Variants in EYS observed in about 807,000 individuals in gnomAD.
EYS encodes EGF-like photoreceptor maintenance factor.
A neutral mutation model predicts 282.1 loss-of-function variants in EYS; 250 were observed. The observed-to-expected ratio is 0.89, with a 90% CI of 0.80 to 0.98. The LOEUF is 0.98. Among genes scored for constraint, EYS ranks in the 50% least tolerant of loss-of-function variants. The pLI, the probability that EYS is intolerant of heterozygous loss-of-function variation, is 0.00. For synonymous variants in EYS, 1,355 were observed against 1,282.9 expected, an observed-to-expected ratio of 1.06 and a Z score of -1.20; for missense variants, 4,016 against 3,709.0, an observed-to-expected ratio of 1.08 and a Z score of -2.15.
chr6:65,701,914 G>C (rs79632402), intron 1 of EYS, among the ~76,000 whole-genome samples: 70 of 152,210 alleles, frequency 4.6e-4, no homozygotes, highest in African/African-American at 1.7e-3. Flanking sequence ...TTTAATACTT[G>C]AACATATTTC....
intron 12 of EYS, among the ~76,000 whole-genome samples, chr6:65,211,138 T>C (rs1766166975): frequency 6.6e-6 from 1 of 152,022 alleles, no homozygotes; most frequent in African/African-American, 2.4e-5. Flanking sequence ...CAAGAAAACC[T>C]ATTACTCTTA....
intron 31 of EYS, among the ~76,000 whole-genome samples, chr6:64,097,521 C>T (rs1266794332): frequency 6.6e-6 from 1 of 152,142 alleles, no homozygotes; most frequent in African/African-American, 2.4e-5. Flanking sequence ...TAGCAATGAA[C>T]AAGGCTGCGT....
At chr6:64,790,315 C>A (rs940874975) in intron 22 of EYS, among the ~76,000 whole-genome samples, 3 of 151,744 alleles carry the variant, frequency 2.0e-5, no homozygotes. Context: ...ATGTCATAAA[C>A]CTGCACATAC....
rs148203223 is a variant in EYS at position 64,423,930 on chromosome 6, T to C, written c.5927+12244A>G. On this transcript the variant is annotated intron_variant, in intron 28 of 42. Transcript: ENST00000503581. ...AAACTTAATATGAACACAATCACTT[T>C]TGATTATTTTAAATGCTAACATTTC... Among the ~76,000 whole-genome samples, 25 of 152,350 alleles carry C rather than the reference T, an allele frequency of 1.6e-4. No homozygotes were observed. In the East Asian group the frequency reaches 4.4e-3, roughly 27 times the overall value.
At chr6:65,319,204 C>CAAAAAAAA (rs55687610) in intron 11 of EYS, among the ~76,000 whole-genome samples, 20 of 44,384 alleles carry the variant, frequency 4.5e-4, no homozygotes, top group Non-Finnish European at 5.6e-4. Context: ...ACTAAAAATG[C>CAAAAAAAA]AAAAAAAAAA....
chr6:64,678,809 A>G (rs146924177), intron 22 of EYS, among the ~76,000 whole-genome samples: 225 of 151,544 alleles, frequency 1.5e-3, no homozygotes, highest in African/African-American at 5.2e-3. Flanking sequence ...ACATGGTGAA[A>G]CCCCGTCTCC....
chr6:64,446,679 T>A (rs1775127896), intron 26 of EYS, among the ~76,000 whole-genome samples: 2 of 152,050 alleles, frequency 1.3e-5, no homozygotes, highest in South Asian at 4.1e-4. Flanking sequence ...TGGAATATTA[T>A]GAGAGAATAA....
intron 2 of EYS, among the ~76,000 whole-genome samples, chr6:65,499,307 A>T (rs1445353859): frequency 1.3e-5 from 2 of 152,092 alleles, no homozygotes; most frequent in Non-Finnish European, 2.9e-5. Flanking sequence ...TAATTTGAAT[A>T]GAACATGCTC....
chr6:65,091,138 T>C (rs1456731198), intron 12 of EYS, among the ~76,000 whole-genome samples: 2 of 151,810 alleles, frequency 1.3e-5, no homozygotes, highest in Non-Finnish European at 2.9e-5. Context: ...GTTTGTATTA[T>C]AAATTTTAAA....
At chr6:65,372,553 T>C (rs1455881645) in intron 8 of EYS, among the ~76,000 whole-genome samples, 2 of 151,718 alleles carry the variant, frequency 1.3e-5, no homozygotes, top group Non-Finnish European at 2.9e-5. Context: ...ACTATAGGAT[T>C]TTTTTTTGCC....
intron 21 of EYS, among the ~76,000 whole-genome samples, chr6:64,816,452 C>G (rs1486087982): frequency 1.3e-5 from 2 of 151,954 alleles, no homozygotes; most frequent in African/African-American, 4.8e-5. Context: ...TAAAAAGAGT[C>G]TGGAAAAGGA....
intron 31 of EYS, among the ~76,000 whole-genome samples, chr6:64,230,126 TG>T (rs1345498194): frequency 6.6e-6 from 1 of 152,230 alleles, no homozygotes; most frequent in Non-Finnish European, 1.5e-5. Context: ...GCTTCATTAA[TG>T]TTAAAACCAT....
chr6:65,611,850 A>G (rs1285320257), intron 2 of EYS, among the ~76,000 whole-genome samples: 1 of 152,042 alleles, frequency 6.6e-6, no homozygotes, highest in Non-Finnish European at 1.5e-5. Context: ...GATCCCCAAG[A>G]AGTTCTATTC....
intron 30 of EYS, among the ~76,000 whole-genome samples, chr6:64,283,645 T>C (rs1401821311): frequency 6.6e-6 from 1 of 152,158 alleles, no homozygotes; most frequent in Non-Finnish European, 1.5e-5. Flanking sequence ...AGGGGTATGC[T>C]TTTGGATATG....
At chr6:64,253,508 G>C (rs1444224944) in intron 30 of EYS, among the ~76,000 whole-genome samples, 1 of 152,034 alleles carries the variant, frequency 6.6e-6, no homozygotes. Flanking sequence ...TATCGTCGTG[G>C]GTCACTGTCA....
At chr6:65,517,338 C>CAAACA (rs200763799) in intron 2 of EYS, among the ~76,000 whole-genome samples, 11 of 82,120 alleles carry the variant, frequency 1.3e-4, no homozygotes, top group African/African-American at 6.3e-4. Context: ...TTCAAAACAA[C>CAAACA]AACAAAAAAA....
At chr6:65,435,006 G>A (rs73741579) in intron 5 of EYS, among the ~76,000 whole-genome samples, 1,652 of 151,534 alleles carry the variant, frequency 0.011, 28 homozygotes, top group African/African-American at 0.038. Flanking sequence ...CATTATTACT[G>A]GGTTAGTATA....
chr6:63,789,317 C>A, intron 37 of EYS, 93 bp from the exon 38 acceptor site: 1 of 1,247,630 alleles, frequency 8.0e-7, no homozygotes, highest in South Asian at 1.5e-5. Flanking sequence ...AATTACAGAT[C>A]AGTATGGTAA....
chr6:64,887,802 T>C (rs948201593), intron 18 of EYS, among the ~76,000 whole-genome samples: 2 of 152,086 alleles, frequency 1.3e-5, no homozygotes, highest in African/African-American at 4.8e-5. Flanking sequence ...AATACAGATA[T>C]GTAAACATTA....
Sources: allele counts gnomAD v4.1 joint callset (sites outside exome capture counted in the v4.1 genomes callset), GRCh38; gene constraint gnomAD v4.1.1; transcripts MANE v1.5; gene names NCBI Gene and HGNC (gene_info 2026-07-23, HGNC 2026-07-21).